SLC22A5: variants seen among roughly 807,000 people sequenced by gnomAD.
The protein encoded by SLC22A5 is organic cation/carnitine transporter 2.
Under a neutral mutation model 56.7 loss-of-function variants are expected in SLC22A5, and 44 were observed. The ratio of observed to expected loss-of-function variants is 0.78; its 90% CI spans 0.61 to 1.00. The LOEUF (loss-of-function observed/expected upper bound fraction) is 1.00, where lower values mean the gene tolerates loss of function less well. Ranked by LOEUF, SLC22A5 falls within the 50% of genes least tolerant of loss-of-function variation. The pLI, the probability that SLC22A5 is intolerant of heterozygous loss-of-function variation, is 0.00. For missense variants in SLC22A5, 675 were observed against 723.0 expected (o/e 0.93, Z 0.76); for synonymous variants, 278 against 292.1 (o/e 0.95, Z 0.49).
At chr5:132,384,364 C>A in intron 3 of SLC22A5, 63 bp downstream of exon 3, 1 of 1,525,550 alleles carries the variant, frequency 6.6e-7, no homozygotes, top group Non-Finnish European at 9.1e-7. Context: ...CCATCACCTA[C>A]CTTTCTGGAG....
At chr5:132,379,658 A>C (rs533503795) in intron 2 of SLC22A5, 7 of 151,468 alleles carry the variant, frequency 4.6e-5, no homozygotes, top group African/African-American at 1.7e-4. Flanking sequence ...CTAATTTTGT[A>C]TTTTTAATAG....
chr5:132,390,511 C>T, intron 6 of SLC22A5, 179 bp from the exon 7 acceptor site: 2 of 686,052 alleles, frequency 2.9e-6, no homozygotes, highest in South Asian at 3.1e-5. Context: ...ACCACTTGGG[C>T]TGGGGAAAAT....
intron 1 of SLC22A5, among the ~76,000 whole-genome samples, chr5:132,373,450 A>G (rs1036465777): frequency 2.6e-5 from 4 of 152,226 alleles, no homozygotes; most frequent in Non-Finnish European, 5.9e-5. Context: ...AGTCTGGCCA[A>G]CATGGTGAAA....
chr5:132,373,584 C>A (rs76676876), intron 1 of SLC22A5, among the ~76,000 whole-genome samples: 66 of 152,070 alleles, frequency 4.3e-4, no homozygotes, highest in African/African-American at 1.6e-3. Flanking sequence ...TGCAGTGAAC[C>A]GAGATCGAGC....
intron 1 of SLC22A5, among the ~76,000 whole-genome samples, chr5:132,374,047 A>C (rs611084): frequency 0.38 from 57,432 of 151,742 alleles, 11,588 homozygotes; most frequent in East Asian, 0.65. Context: ...GAAACCTCGT[A>C]TCCGCTAAAA....
In SLC22A5 at chr5:132,378,082, C is replaced by T. The variant is rs2073642; in HGVS notation, c.394-296C>T. On this transcript the variant is annotated intron_variant, in intron 1 of 9. Coordinates refer to ENST00000245407, the MANE Select transcript of SLC22A5 (RefSeq NM_003060.4). ...CTCCGCTCAGATTTTTAGGAGCAAG[C>T]GTTAGAGGCCTTGCTTTCTCCAGGG... 121,133 of 1,538,810 alleles carry T rather than the reference C, an allele frequency of 0.079. 6,033 individuals are homozygous for T. Among genetic ancestry groups the T allele is most frequent in the East Asian group, 0.3 (12,171 of 40,826 alleles).
chr5:132,370,338 C>G lies in SLC22A5; in HGVS notation c.366C>G (p.Asp122Glu), dbSNP rs2126765599. The change falls in exon 1 of 10, where the codon GAC becomes GAG. Residue 122 changes from aspartate (D) to glutamate (E), a missense_variant. Transcript: ENST00000245407. ...TGGATGGCTGGGAGTTCAGTCAGGA[C>G]GTCTACCTGTCCACCATTGTGACCG... ...SCLDGWEFSQ[D>E]VYLSTIVTEW... 1.2e-6 allele frequency: 2 copies of G among 1,612,252 alleles called. No individual in the cohort carries two copies. Among genetic ancestry groups the G allele is most frequent in the Non-Finnish European group, 1.7e-6 (2 of 1,179,714 alleles).
chr5:132,375,543 C>T (rs1391205536), intron 1 of SLC22A5, among the ~76,000 whole-genome samples: 3 of 152,218 alleles, frequency 2.0e-5, no homozygotes, highest in Admixed American at 2.0e-4. Context: ...ACTATGTCAT[C>T]TCTCTACTTC....
In SLC22A5 at chr5:132,394,373, C is replaced by A; in HGVS notation, c.*101C>A. ...GTCCTTCAGTGACAAAAGGCCTTTG[C>A]TGTTTGTCCTCTTGACCTGTGTCTG... On this transcript the variant is annotated 3_prime_UTR_variant, in exon 10 of 10. Coordinates refer to ENST00000245407, the MANE Select transcript of SLC22A5 (RefSeq NM_003060.4). 1 of 885,316 alleles carries A rather than the reference C, an allele frequency of 1.1e-6. No individual in the cohort carries two copies. The highest frequency in any genetic ancestry group is 1.9e-6 in the Non-Finnish European group (1 of 516,116). The allele number at this position is 885,316 out of a possible 1,614,324, so 54.8% of individuals were successfully genotyped here.
At chr5:132,371,391 G>A (rs1431670052) in intron 1 of SLC22A5, among the ~76,000 whole-genome samples, 3 of 152,174 alleles carry the variant, frequency 2.0e-5, no homozygotes, top group Non-Finnish European at 4.4e-5. Flanking sequence ...ACAGCCTTAG[G>A]TCATAGGGTG....
chr5:132,394,469 C>T lies in SLC22A5; in HGVS notation c.*197C>T, dbSNP rs1357591152. ...CTAGAGCACCACCTTCCTCTAGGGA[C>T]ACTGGGGCTACCTACAGACAACTTC... On this transcript the variant is annotated 3_prime_UTR_variant, in exon 10 of 10. Coordinates refer to ENST00000245407, the MANE Select transcript of SLC22A5 (RefSeq NM_003060.4). The T allele has an allele frequency of 1.6e-5, 10 of 616,404 alleles. No individual in the cohort carries two copies. Among genetic ancestry groups the T allele is most frequent in the African/African-American group, 3.7e-5 (2 of 53,998 alleles). The allele number at this position is 616,404 out of a possible 1,614,324, so 38.2% of individuals were successfully genotyped here. A position where few individuals can be genotyped will look rare whatever the true frequency, so the allele number is the denominator to read the frequency against.
chr5:132,395,351 C>G lies in SLC22A5; in HGVS notation c.*1079C>G, dbSNP rs1752840103. 6.6e-6 allele frequency: 1 copy of G among 152,544 alleles called. No individual in the cohort carries two copies. Among genetic ancestry groups the G allele is most frequent in the African/African-American group, 2.4e-5 (1 of 41,354 alleles). The allele number at this position is 152,544 out of a possible 1,614,324, so 9.4% of individuals were successfully genotyped here. On this transcript the variant is annotated 3_prime_UTR_variant, in exon 10 of 10. Transcript: ENST00000245407. The stretch of plus-strand genomic sequence containing the variant: ...CATTGTGTGTGTTCCTTTCTTGATA[C>G]TTAGTCATGGGAGGATATTACAAAA...
rs778137386 is a variant in SLC22A5, at chr5:132,370,189, G to C, written c.217G>C (p.Asp73His). 4.2e-5 allele frequency: 67 copies of C among 1,595,132 alleles called. No homozygotes were observed. The highest frequency in any genetic ancestry group is 6.8e-5 in the East Asian group (3 of 43,848). Residue 73 changes from aspartate to histidine, a missense_variant, in exon 1 of 10, where the codon GAC becomes CAC. Asp to His is a moderately conservative substitution (Grantham distance 81, BLOSUM62 -1). Coordinates refer to ENST00000245407, the MANE Select transcript of SLC22A5 (RefSeq NM_003060.4). ...RNHTVPLRLR[D>H]GREVPHSCRR... ...CCACACTGTCCCACTGCGGCTGCGGGACGGCCGCGAGGTGCCCCACAGCTG... is the reference window on the plus strand; with the variant it reads ...CCACACTGTCCCACTGCGGCTGCGGCACGGCCGCGAGGTGCCCCACAGCTG...
At chr5:132,372,977 G>A (rs966057472) in intron 1 of SLC22A5, among the ~76,000 whole-genome samples, 3 of 152,142 alleles carry the variant, frequency 2.0e-5, no homozygotes, top group African/African-American at 7.2e-5. Flanking sequence ...TGGAACCTCA[G>A]GTGTCCTGTT....
chr5:132,386,909 A>G, intron 4 of SLC22A5, 116 bp from the exon 5 acceptor site: 2 of 1,125,234 alleles, frequency 1.8e-6, no homozygotes, highest in Non-Finnish European at 2.7e-6. Context: ...TGATCACCAA[A>G]CATTCCACAA....
Position 132,385,356 on chromosome 5 carries a change from T to C in SLC22A5, c.681T>C (p.Arg227=). ...CAGAAATTCTTGGCAAGTCAGTTCG[T>C]ATAATATTCTCTACGTTAGGAGTGT... ...LGTEILGKSV[R]IIFSTLGVCI... is the part of the protein sequence containing the mutation. The change falls in exon 4 of 10, where the codon CGT becomes CGC. Residue 227 remains arginine (R), a synonymous_variant. Transcript: ENST00000245407. The C allele has an allele frequency of 6.2e-7, 1 of 1,614,172 alleles. No homozygotes were observed.
Position 132,385,219 on chromosome 5 carries a change from G to A in SLC22A5, c.653-109G>A. On this transcript the variant is annotated intron_variant, in intron 3 of 9. Transcript: ENST00000245407. ...CGCTCCCTAGCGCCATGAACTTAGA[G>A]AGAGTTCTCGCTGTTTTCTTGTCTG... The A allele has an allele frequency of 3.0e-6, 3 of 1,013,740 alleles. No individual in the cohort carries two copies. The South Asian group carries it at 3.9e-5, about 13-fold the overall frequency. 62.8% of individuals were successfully genotyped at this position (1,013,740 alleles called of 1,614,324 possible). A position where few individuals can be genotyped will look rare whatever the true frequency, so the allele number is the denominator to read the frequency against.
At chr5:132,391,853 C>G (rs912715994) in intron 7 of SLC22A5, among the ~76,000 whole-genome samples, 1 of 152,150 alleles carries the variant, frequency 6.6e-6, no homozygotes, top group Non-Finnish European at 1.5e-5. Flanking sequence ...GAACACTGCA[C>G]GGGAACAGCT....
intron 6 of SLC22A5, 142 bp from the exon 7 acceptor site, chr5:132,390,548 C>T (rs1752661376): frequency 4.1e-6 from 3 of 736,196 alleles, no homozygotes; most frequent in Non-Finnish European, 4.9e-6. Flanking sequence ...AAGTAAGACG[C>T]AGGGTTACAG....
Sources: gnomAD v4.1 joint callset for allele counts (sites outside exome capture counted in the v4.1 genomes callset) on GRCh38, gnomAD v4.1.1 for gene constraint, MANE v1.5 for transcripts, NCBI Gene and HGNC (gene_info 2026-07-23, HGNC 2026-07-21) for gene names.